Variants in DACH2 observed in about 807,000 individuals in gnomAD.
DACH2 encodes the protein dachshund family transcription factor 2.
DACH2 carries 17 observed loss-of-function variants against 35.8 expected under a neutral mutation model. The observed-to-expected ratio is 0.48, with a 90% confidence interval of 0.33 to 0.71. The LOEUF (loss-of-function observed/expected upper bound fraction) is 0.71, where lower values mean the gene tolerates loss of function less well. Ranked by LOEUF, DACH2 falls within the 30% of genes least tolerant of loss-of-function variation. DACH2 has a pLI of 0.02. For missense variants in DACH2, 469 were observed against 472.7 expected (o/e 0.99, Z 0.07); for synonymous variants, 195 against 177.3 (o/e 1.10, Z -0.79).
chrX:86,625,260 T>TGTGTGTG (rs2040122365), intron 3 of DACH2, among the ~76,000 whole-genome samples: 1 of 83,270 alleles, frequency 1.2e-5, no homozygotes, highest in East Asian at 3.7e-4. Flanking sequence ...GTGTGTGTGT[T>TGTGTGTG]AGGGGTGGGT....
At chrX:86,434,933 G>A (rs1379856367) in intron 2 of DACH2, among the ~76,000 whole-genome samples, 1 of 110,325 alleles carries the variant, frequency 9.1e-6, no homozygotes, top group African/African-American at 3.3e-5. Flanking sequence ...AGAGAGATTG[G>A]GGTTGGGAGG....
intron 1 of DACH2, among the ~76,000 whole-genome samples, chrX:86,297,590 T>C (rs1274291172): frequency 4.5e-5 from 5 of 112,162 alleles, no homozygotes; most frequent in African/African-American, 1.6e-4. Context: ...TAAATTACTC[T>C]ACTACAGGTG....
At chrX:86,803,409 T>C (rs1469390454) in intron 7 of DACH2, among the ~76,000 whole-genome samples, 1 of 112,035 alleles carries the variant, frequency 8.9e-6, no homozygotes, top group East Asian at 2.8e-4. Context: ...TTGTAGATTA[T>C]AGTAATCATT....
chrX:86,189,438 A>G (rs1252413681), intron 1 of DACH2, among the ~76,000 whole-genome samples: 2 of 111,782 alleles, frequency 1.8e-5, no homozygotes, highest in Non-Finnish European at 3.8e-5. Context: ...TTAATTGTTT[A>G]AGACTCCATC....
At chrX:86,287,170 T>G (rs1210588143) in intron 1 of DACH2, among the ~76,000 whole-genome samples, 1 of 50,252 alleles carries the variant, frequency 2.0e-5, no homozygotes, top group Non-Finnish European at 3.2e-5. Flanking sequence ...CTAGGGTAAA[T>G]ATATTTTTTT....
At chrX:86,466,947 T>A (rs1011209892) in intron 2 of DACH2, among the ~76,000 whole-genome samples, 1 of 111,230 alleles carries the variant, frequency 9.0e-6, no homozygotes, top group African/African-American at 3.3e-5. Context: ...CAAAACCGCT[T>A]TTTCCTCCTA....
chrX:86,762,913 T>C (rs932058188), intron 7 of DACH2, among the ~76,000 whole-genome samples: 5 of 111,953 alleles, frequency 4.5e-5, no homozygotes, highest in Non-Finnish European at 7.5e-5. Flanking sequence ...TTATTCCTTC[T>C]ATTTTTTGTA....
intron 7 of DACH2, among the ~76,000 whole-genome samples, chrX:86,741,392 C>G (rs1269627252): frequency 9.0e-6 from 1 of 111,599 alleles, no homozygotes; most frequent in Non-Finnish European, 1.9e-5. Flanking sequence ...AGGCCACAAG[C>G]TCAGAGTTTG....
chrX:86,253,698 C>G (rs1416709051), intron 1 of DACH2, among the ~76,000 whole-genome samples: 2 of 111,171 alleles, frequency 1.8e-5, no homozygotes, highest in Non-Finnish European at 3.8e-5. Context: ...ATTATTTTTG[C>G]CTTACCCTGT....
At chrX:86,500,885 G>A (rs954028735) in intron 2 of DACH2, among the ~76,000 whole-genome samples, 2 of 111,539 alleles carry the variant, frequency 1.8e-5, no homozygotes, top group Non-Finnish European at 3.8e-5. Context: ...TTTCATTGCC[G>A]ACTTTTTACC....
At chrX:86,804,709 T>G (rs1464917593) in intron 7 of DACH2, among the ~76,000 whole-genome samples, 1 of 39,275 alleles carries the variant, frequency 2.5e-5, no homozygotes, top group Non-Finnish European at 5.7e-5. Flanking sequence ...GGGTAAATAC[T>G]CCCATTCTGA....
intron 7 of DACH2, among the ~76,000 whole-genome samples, chrX:86,760,801 T>C (rs1214380348): frequency 9.0e-6 from 1 of 110,641 alleles, no homozygotes; most frequent in Non-Finnish European, 1.9e-5. Context: ...TTTTTTTTCC[T>C]GTGTCCTTAG....
At chrX:86,285,160 TTTTG>T (rs1217349594) in intron 1 of DACH2, among the ~76,000 whole-genome samples, 2 of 112,001 alleles carry the variant, frequency 1.8e-5, no homozygotes, top group African/African-American at 6.5e-5. Context: ...TTTGCATTAT[TTTTG>T]TTTCAATTTC....
chrX:86,740,966 T>C (rs1196890441), intron 7 of DACH2, among the ~76,000 whole-genome samples: 1 of 111,494 alleles, frequency 9.0e-6, no homozygotes, highest in Non-Finnish European at 1.9e-5. Flanking sequence ...ATTTAGTATA[T>C]AGTAATTACC....
chrX:86,708,543 A>G (rs998425564), intron 5 of DACH2, among the ~76,000 whole-genome samples: 1 of 108,767 alleles, frequency 9.2e-6, no homozygotes, highest in African/African-American at 3.4e-5. Context: ...ACAACTCTGA[A>G]ACAGAAAGTC....
chrX:86,497,570 G>A (rs1226933283), intron 2 of DACH2, among the ~76,000 whole-genome samples: 2 of 111,503 alleles, frequency 1.8e-5, no homozygotes, highest in African/African-American at 6.5e-5. Flanking sequence ...GTCTGAGGAG[G>A]AAGAGAGCTG....
At chrX:86,627,848 G>T (rs1205915851) in intron 3 of DACH2, among the ~76,000 whole-genome samples, 1 of 112,278 alleles carries the variant, frequency 8.9e-6, no homozygotes, top group Non-Finnish European at 1.9e-5. Flanking sequence ...ATAAACTGAT[G>T]ATAAAGAATG....
intron 2 of DACH2, among the ~76,000 whole-genome samples, chrX:86,388,387 T>C (rs1185191619): frequency 1.8e-5 from 2 of 111,777 alleles, no homozygotes; most frequent in African/African-American, 3.3e-5. Flanking sequence ...TTAAGCAATA[T>C]ATTTTGGTGA....
At chrX:86,249,150 G>A (rs1008292330) in intron 1 of DACH2, among the ~76,000 whole-genome samples, 2 of 111,402 alleles carry the variant, frequency 1.8e-5, no homozygotes, top group Non-Finnish European at 3.8e-5. Flanking sequence ...CCTTGGCAGA[G>A]TTTTCATGAC....
Sources: allele counts gnomAD v4.1 joint callset (sites outside exome capture counted in the v4.1 genomes callset), GRCh38; gene constraint gnomAD v4.1.1; transcripts MANE v1.5; gene names NCBI Gene and HGNC (gene_info 2026-07-23, HGNC 2026-07-21).